Variants in TRIM67 observed in about 807,000 individuals in gnomAD.
The protein encoded by TRIM67 is tripartite motif containing 67, also known as tripartite motif-containing protein 67.
TRIM67 carries 39 observed loss-of-function variants against 71.0 expected under a neutral mutation model. The observed-to-expected ratio is 0.55, with a 90% CI of 0.43 to 0.72. TRIM67 has a LOEUF of 0.72. Among genes scored for constraint, TRIM67 ranks in the 30% least tolerant of loss-of-function variants. The pLI, the probability that TRIM67 is intolerant of heterozygous loss-of-function variation, is 0.00. For missense variants in TRIM67, 973 were observed against 1,079.2 expected, an observed-to-expected ratio of 0.90 and a Z score of 1.38; for synonymous variants, 481 against 473.9, an observed-to-expected ratio of 1.01 and a Z score of -0.19.
Position 231,167,319 on chromosome 1 carries a change from C to CTTTTTTTTTTTTT in TRIM67, c.1044+3315_1044+3327dup, listed in dbSNP as rs1159766852. Among the ~76,000 whole-genome samples, 81 of 51,844 alleles carry CTTTTTTTTTTTTT rather than the reference C, an allele frequency of 1.6e-3. 18 individuals are homozygous for CTTTTTTTTTTTTT. Among genetic ancestry groups the CTTTTTTTTTTTTT allele is most frequent in the Non-Finnish European group, 2.4e-3 (66 of 27,220 alleles). The allele number at this position is 51,844 out of a possible 152,430, so 34.0% of individuals were successfully genotyped here. On this transcript the variant is annotated intron_variant, in intron 1 of 9. Transcript: ENST00000366653. ...ACAGGACTTTTGATCACTCTAATGT[C>CTTTTTTTTTTTTT]TTTTTTTTTTTTTTTTTTTTTGAGA...
At chr1:231,213,564 C>T (rs186918733) in intron 8 of TRIM67, among the ~76,000 whole-genome samples, 26 of 152,126 alleles carry the variant, frequency 1.7e-4, no homozygotes, top group Non-Finnish European at 2.4e-4. Flanking sequence ...CCTATCTCTA[C>T]AAAAAACACA....
intron 1 of TRIM67, among the ~76,000 whole-genome samples, chr1:231,183,599 A>G (rs6541260): frequency 1 from 152,021 of 152,220 alleles, 75,912 homozygotes; most frequent in Middle Eastern, 1. Context: ...GGACAACAAA[A>G]TGAGACCCCC....
At chr1:231,205,557 C>G (rs1028865660) in intron 6 of TRIM67, among the ~76,000 whole-genome samples, 49 of 152,030 alleles carry the variant, frequency 3.2e-4, no homozygotes, top group African/African-American at 9.9e-4. Flanking sequence ...GAAACCCCAT[C>G]TCTACTTAAA....
At position 231,219,925 on chromosome 1, in the gene TRIM67, T is replaced by A. The variant is rs1684101197; in HGVS notation, c.*4485T>A. ...AGGATGTATTGATCAGACACCAAGT[T>A]CAGCCCTCGGTTACTTCCCTCTTTT... On this transcript the variant is annotated 3_prime_UTR_variant, in exon 10 of 10. Transcript: ENST00000366653. 7.8e-7 allele frequency: 1 copy of A among 1,289,800 alleles called. No individual in the cohort carries two copies. Among genetic ancestry groups the A allele is most frequent in the Admixed American group, 2.3e-5 (1 of 43,538 alleles). 79.9% of individuals were successfully genotyped at this position (1,289,800 alleles called of 1,614,324 possible).
chr1:231,185,480 G>A (rs1337828822), intron 1 of TRIM67, among the ~76,000 whole-genome samples: 4 of 151,838 alleles, frequency 2.6e-5, no homozygotes, highest in African/African-American at 9.7e-5. Context: ...AGTGAGCCGG[G>A]ATGAACAGGC....
chr1:231,202,732 C>T (rs1341403522), intron 5 of TRIM67, among the ~76,000 whole-genome samples: 1 of 152,204 alleles, frequency 6.6e-6, no homozygotes, highest in African/African-American at 2.4e-5. Flanking sequence ...TCCCACACAG[C>T]TTGCACCTCC....
In TRIM67 at chr1:231,203,883, A is replaced by G; in HGVS notation, c.1551A>G (p.Leu517=). 6.2e-7 allele frequency: 1 copy of G among 1,613,682 alleles called. No individual in the cohort carries two copies. ...CCCTCGCAGTGCCACCCGTCCCCCT[A>G]CTGCAGCTGGAGAAATGCTGCACCC... ...QMKCRVPPVP[L]LQLEKCCTRN... The change falls in exon 6 of 10, where the codon CTA becomes CTG. Residue 517 remains leucine, a synonymous_variant. Coordinates refer to ENST00000366653, the MANE Select transcript of TRIM67 (RefSeq NM_001004342.5).
intron 5 of TRIM67, among the ~76,000 whole-genome samples, chr1:231,202,114 T>C (rs1213908700): frequency 0.02 from 43 of 2,154 alleles, 1 homozygote; most frequent in South Asian, 0.12. Context: ...GAGGAGGAGG[T>C]AATGGTGGAG....
chr1:231,163,112 C>A lies in TRIM67; in HGVS notation c.143C>A (p.Pro48Gln). Residue 48 changes from proline to glutamine, a missense_variant, in exon 1 of 10, where the codon CCG (proline) becomes CAG (glutamine). Coordinates refer to ENST00000366653, the MANE Select transcript of TRIM67 (RefSeq NM_001004342.5). ...GACGGTGAGCAGCACCTGCCCCAGC[C>A]GCTCCTGCTTTCCCGGGGATCGGGG... Reference protein sequence around the residue: ...TPDGEQHLPQPLLLSRGSGLQ... With the variant: ...TPDGEQHLPQQLLLSRGSGLQ... 1 of 1,563,616 alleles carries A rather than the reference C, an allele frequency of 6.4e-7. No homozygotes were observed. The highest frequency in any genetic ancestry group is 8.7e-7 in the Non-Finnish European group (1 of 1,155,972).
intron 7 of TRIM67, among the ~76,000 whole-genome samples, chr1:231,208,311 C>T (rs1191324953): frequency 6.6e-6 from 1 of 151,934 alleles, no homozygotes; most frequent in Admixed American, 6.6e-5. Context: ...GTGGCTGGGA[C>T]TACAGGCACC....
At chr1:231,197,289 AC>A (rs1683390400) in intron 1 of TRIM67, 81 bp from the exon 2 acceptor site, 2 of 1,186,972 alleles carry the variant, frequency 1.7e-6, no homozygotes, top group East Asian at 4.7e-5. Flanking sequence ...CCTCTTATAA[AC>A]ATAAGCTTTT....
At chr1:231,206,873 G>A in intron 7 of TRIM67, 83 bp downstream of exon 7, 1 of 1,433,096 alleles carries the variant, frequency 7.0e-7, no homozygotes. Context: ...TGGCAGCTAT[G>A]ATGATGGGGT....
rs191757564 is a variant in TRIM67 at position 231,172,020 on chromosome 1, C to T, written c.1044+8007C>T. Among the ~76,000 whole-genome samples the T allele has an allele frequency of 1.2e-3, 188 of 152,244 alleles. 1 individual carries two copies. Among genetic ancestry groups the T allele is most frequent in the African/African-American group, 4.3e-3 (178 of 41,544 alleles). On this transcript the variant is annotated intron_variant, in intron 1 of 9. Transcript: ENST00000366653. Reference sequence around the variant, plus strand: ...CTGAGGCAGAGGGAATGCTTGAGCCCAGGCTGTGGTGTGCTATGATTGCAG... The same window carrying T: ...CTGAGGCAGAGGGAATGCTTGAGCCTAGGCTGTGGTGTGCTATGATTGCAG...
At chr1:231,212,590 G>T (rs1229991975) in intron 8 of TRIM67, among the ~76,000 whole-genome samples, 3 of 152,274 alleles carry the variant, frequency 2.0e-5, no homozygotes, top group East Asian at 3.9e-4. Context: ...GAGTAAAAAG[G>T]TTAGGCGTTT....
chr1:231,187,394 AT>A (rs1282689440), intron 1 of TRIM67: 3 of 938,222 alleles, frequency 3.2e-6, no homozygotes, highest in East Asian at 2.8e-5. Context: ...CTACCTTTTA[AT>A]TTTTTTAAAA....
chr1:231,180,361 GT>G (rs1262591577), intron 1 of TRIM67, among the ~76,000 whole-genome samples: 1 of 151,994 alleles, frequency 6.6e-6, no homozygotes, highest in East Asian at 1.9e-4. Context: ...TTAAGATAAA[GT>G]TCTATAAAAA....
At chr1:231,206,825 T>C (rs1558306271) in intron 7 of TRIM67, 35 bp downstream of exon 7, 1 of 1,541,592 alleles carries the variant, frequency 6.5e-7, no homozygotes, top group Non-Finnish European at 8.8e-7. Context: ...GAAGAACAGA[T>C]TCATCATTTT....
At chr1:231,212,502 G>C (rs1032461341) in intron 8 of TRIM67, among the ~76,000 whole-genome samples, 1 of 152,226 alleles carries the variant, frequency 6.6e-6, no homozygotes. Flanking sequence ...TTCCCAGCTA[G>C]AGAGAGTCTT....
At chr1:231,178,876 G>A (rs143859036) in intron 1 of TRIM67, among the ~76,000 whole-genome samples, 24 of 152,218 alleles carry the variant, frequency 1.6e-4, no homozygotes, top group Admixed American at 5.2e-4. Flanking sequence ...TTACACCTTC[G>A]GGGCACTCAG....
Sources: allele counts gnomAD v4.1 joint callset (sites outside exome capture counted in the v4.1 genomes callset), GRCh38; gene constraint gnomAD v4.1.1; transcripts MANE v1.5; gene names NCBI Gene and HGNC (gene_info 2026-07-23, HGNC 2026-07-21).